The following UST variants were observed in gnomAD, a reference collection of about 807,000 sequenced individuals.
UST encodes the protein uronyl 2-sulfotransferase.
Under a neutral mutation model 45.6 loss-of-function variants are expected in UST, and 21 were observed. The ratio of observed to expected loss-of-function variants is 0.46; its 90% confidence interval spans 0.33 to 0.66. The LOEUF (loss-of-function observed/expected upper bound fraction) is 0.66, where lower values mean the gene tolerates loss of function less well. Among genes scored for constraint, UST ranks in the 30% least tolerant of loss-of-function variants. The pLI is 0.02. For missense variants in UST, 463 were observed against 512.4 expected (o/e 0.90, Z 0.93); for synonymous variants, 215 against 200.6 (o/e 1.07, Z -0.61).
Position 148,861,412 on chromosome 6 carries a change from C to T in UST, c.248-25574C>T, listed in dbSNP as rs183675704. Among the ~76,000 whole-genome samples, 339 of 152,092 alleles carry T rather than the reference C, an allele frequency of 2.2e-3. 9 individuals carry two copies. The highest frequency in any genetic ancestry group is 0.019 in the Admixed American group (288 of 15,280). On this transcript the variant is annotated intron_variant, in intron 1 of 7. Coordinates refer to ENST00000367463, the MANE Select transcript of UST (RefSeq NM_005715.3). ...TTTTCTTCTTTATTAGTCTTGCTAG[C>T]GGTCTATCAATTTTGTTGATCTTTT...
chr6:149,055,266 C>G (rs575447343), intron 7 of UST, among the ~76,000 whole-genome samples: 2 of 152,180 alleles, frequency 1.3e-5, no homozygotes, highest in Non-Finnish European at 2.9e-5. Context: ...TATGACCTAA[C>G]TAACCAGTTA....
At chr6:149,045,662 T>C (rs1206570978) in intron 7 of UST, among the ~76,000 whole-genome samples, 1 of 152,120 alleles carries the variant, frequency 6.6e-6, no homozygotes, top group Non-Finnish European at 1.5e-5. Context: ...TGCCCTCTCA[T>C]ATACAGAACA....
At chr6:148,783,013 C>T (rs1207013719) in intron 1 of UST, among the ~76,000 whole-genome samples, 2 of 152,132 alleles carry the variant, frequency 1.3e-5, no homozygotes, top group East Asian at 1.9e-4. Flanking sequence ...TGGCAAACTT[C>T]GTTGTTGTCT....
At chr6:148,910,761 A>T (rs987033580) in intron 2 of UST, among the ~76,000 whole-genome samples, 3 of 152,336 alleles carry the variant, frequency 2.0e-5, no homozygotes, top group South Asian at 4.1e-4. Flanking sequence ...CCCATACCTT[A>T]CATGATTTAA....
rs1239317424 is a variant in UST, at chr6:149,043,011, CTTTCTTTCTTTT to C, written c.937+21532_937+21543del. 3.4e-4 allele frequency among the ~76,000 whole-genome samples: 36 copies of C among 105,726 alleles called. No individual in the cohort carries two copies. The East Asian group carries it at 6.3e-3, about 19-fold the overall frequency. 69.4% of individuals were successfully genotyped at this position (105,726 alleles called of 152,430 possible). A position where few individuals can be genotyped will look rare whatever the true frequency, so the allele number is the denominator to read the frequency against. On this transcript the variant is annotated intron_variant, in intron 7 of 7. Coordinates refer to ENST00000367463, the MANE Select transcript of UST (RefSeq NM_005715.3). Reference sequence around the variant, plus strand: ...TCTTTCTTTCTTTCTTTCTTTCTTTCTTTCTTTCTTTTTCTTTCTTTCTTTCTTTCTTTCCTT... The same window carrying C: ...TCTTTCTTTCTTTCTTTCTTTCTTTCTCTTTCTTTCTTTCTTTCTTTCCTT...
At chr6:149,043,776 C>T (rs563652597) in intron 7 of UST, among the ~76,000 whole-genome samples, 1 of 152,396 alleles carries the variant, frequency 6.6e-6, no homozygotes, top group Non-Finnish European at 1.5e-5. Context: ...TGACTTCTGG[C>T]TCTGCCATGC....
intron 7 of UST, among the ~76,000 whole-genome samples, chr6:149,063,402 A>C (rs1051122820): frequency 4.6e-5 from 7 of 152,256 alleles, no homozygotes; most frequent in African/African-American, 1.4e-4. Context: ...TTTTAAAAAA[A>C]TATCAAAAAC....
chr6:148,756,992 C>T (rs138790620), intron 1 of UST, among the ~76,000 whole-genome samples: 10 of 152,356 alleles, frequency 6.6e-5, no homozygotes, highest in African/African-American at 2.4e-4. Flanking sequence ...TACATTACAA[C>T]CACTTATGAC....
At chr6:148,782,511 C>T (rs1010081542) in intron 1 of UST, among the ~76,000 whole-genome samples, 2 of 151,712 alleles carry the variant, frequency 1.3e-5, no homozygotes, top group Non-Finnish European at 2.9e-5. Flanking sequence ...AGTGCAGTGG[C>T]GCGATCTTGG....
chr6:148,854,415 C>T (rs1344443018), intron 1 of UST, among the ~76,000 whole-genome samples: 1 of 152,330 alleles, frequency 6.6e-6, no homozygotes, highest in East Asian at 1.9e-4. Context: ...ATCTTAACTA[C>T]TCTTTGTCTT....
At chr6:149,042,605 C>T (rs947842782) in intron 7 of UST, among the ~76,000 whole-genome samples, 1 of 152,166 alleles carries the variant, frequency 6.6e-6, no homozygotes, top group African/African-American at 2.4e-5. Context: ...TGGTGGATGT[C>T]CAGGCGTGGC....
intron 1 of UST, among the ~76,000 whole-genome samples, chr6:148,820,053 C>A (rs1472473287): frequency 6.6e-6 from 1 of 152,194 alleles, no homozygotes; most frequent in Non-Finnish European, 1.5e-5. Flanking sequence ...TCTGTGTTCC[C>A]CTGTTCCTCT....
intron 1 of UST, among the ~76,000 whole-genome samples, chr6:148,873,881 G>C (rs896333965): frequency 6.6e-6 from 1 of 152,172 alleles, no homozygotes; most frequent in African/African-American, 2.4e-5. Context: ...TTTCTCCCAG[G>C]GTAAATTCTT....
intron 5 of UST, chr6:149,005,602 CCTT>C: frequency 1.0e-6 from 1 of 985,422 alleles, no homozygotes. Context: ...TTAGTCCCTT[CCTT>C]CTTCTCTCCC....
chr6:148,932,619 G>C (rs1779943563), intron 2 of UST, among the ~76,000 whole-genome samples: 1 of 152,116 alleles, frequency 6.6e-6, no homozygotes, highest in Non-Finnish European at 1.5e-5. Flanking sequence ...TTGAGTTCCT[G>C]CTCAAACTGG....
chr6:148,801,907 T>C (rs575058491), intron 1 of UST, among the ~76,000 whole-genome samples: 18 of 152,364 alleles, frequency 1.2e-4, no homozygotes, highest in South Asian at 8.3e-4. Flanking sequence ...TTTGAAGATT[T>C]GGGTTAAAGT....
rs1776824544 is a variant in UST, at chr6:148,790,576, G to A, written c.247+42899G>A. Reference sequence around the variant, plus strand: ...AAGGTGCTGTAGCGGATGCTGTGATGTGCCACCGTTCAGAGAGGCACTCAG... The same window carrying A: ...AAGGTGCTGTAGCGGATGCTGTGATATGCCACCGTTCAGAGAGGCACTCAG... On this transcript the variant is annotated intron_variant, in intron 1 of 7. Coordinates refer to ENST00000367463, the MANE Select transcript of UST (RefSeq NM_005715.3). The surrounding 1 kb of genome is among the most constrained non-coding windows in gnomAD (Gnocchi z 4.2). 6.6e-6 allele frequency among the ~76,000 whole-genome samples: 1 copy of A among 152,198 alleles called. No homozygotes were observed. The highest frequency in any genetic ancestry group is 6.5e-5 in the Admixed American group (1 of 15,284).
chr6:148,871,117 C>CCTCTCCCTCTCTCTCT (rs1554221901), intron 1 of UST, among the ~76,000 whole-genome samples: 1 of 97,586 alleles, frequency 1.0e-5, no homozygotes. Context: ...GCATTCTCTC[C>CCTCTCCCTCTCTCTCT]CTCTCTCTCT....
chr6:149,007,553 G>A (rs917706372), intron 5 of UST, among the ~76,000 whole-genome samples: 3 of 150,712 alleles, frequency 2.0e-5, no homozygotes, highest in African/African-American at 7.3e-5. Flanking sequence ...CTCCCAAAGT[G>A]CTGGGATTAC....
Sources: gnomAD v4.1 joint callset for allele counts (sites outside exome capture counted in the v4.1 genomes callset) on GRCh38, gnomAD v4.1.1 for gene constraint, Gnocchi (gnomAD v3.1) non-coding constraint, MANE v1.5 for transcripts, NCBI Gene and HGNC (gene_info 2026-07-23, HGNC 2026-07-21) for gene names.